Variants in PTPRD observed in about 807,000 individuals in gnomAD.
PTPRD encodes the protein protein tyrosine phosphatase receptor type D, also known as receptor-type tyrosine-protein phosphatase delta.
In PTPRD, 34 loss-of-function variants were observed where a neutral mutation model predicts 214.5. The ratio of observed to expected loss-of-function variants is 0.16; its 90% CI spans 0.12 to 0.21. The LOEUF is 0.21. Among genes scored for constraint, PTPRD ranks in the 10% least tolerant of loss-of-function variants. The pLI, the probability that PTPRD is intolerant of heterozygous loss-of-function variation, is 1.00. For missense variants in PTPRD, 2,545 were observed against 2,398.7 expected (o/e 1.06, Z -1.27); for synonymous variants, 1,128 against 845.7 (o/e 1.33, Z -5.79).
At chr9:9,293,089 C>T (rs1321064091) in intron 9 of PTPRD, among the ~76,000 whole-genome samples, 1 of 151,498 alleles carries the variant, frequency 6.6e-6, no homozygotes, top group Non-Finnish European at 1.5e-5. Context: ...AGTTACTGTG[C>T]ACATCCCATA....
rs1160667093 is a variant in PTPRD at position 8,562,239 on chromosome 9, C to A, written c.353-33460G>T. Among the ~76,000 whole-genome samples the A allele has an allele frequency of 2.6e-5, 4 of 151,994 alleles. No homozygotes were observed. The East Asian group carries it at 5.8e-4, about 22-fold the overall frequency. ...TGTAAAAGTACTGAGGACTCATTAT[C>A]TGGACTCTCAATTCTCATTATTCAG... On this transcript the variant is annotated intron_variant, in intron 14 of 45. Coordinates refer to ENST00000381196, the MANE Select transcript of PTPRD (RefSeq NM_002839.4).
chr9:10,244,037 G>GAGC (rs2091633184), intron 3 of PTPRD, among the ~76,000 whole-genome samples: 1 of 33,486 alleles, frequency 3.0e-5, no homozygotes, highest in Non-Finnish European at 1.2e-4. Context: ...AGGATTAAAT[G>GAGC]TAATATACGT....
intron 14 of PTPRD, among the ~76,000 whole-genome samples, chr9:8,590,895 TC>T (rs2094046890): frequency 6.6e-6 from 1 of 152,120 alleles, no homozygotes. Flanking sequence ...AGGTCAGAAG[TC>T]CCATATGAGT....
intron 2 of PTPRD, among the ~76,000 whole-genome samples, chr9:10,370,291 A>ATGT (rs2097585023): frequency 6.6e-6 from 1 of 152,102 alleles, no homozygotes; most frequent in Non-Finnish European, 1.5e-5. Context: ...ATTAGAACGC[A>ATGT]TGTTCACAAG....
chr9:9,203,617 A>G (rs145631016), intron 9 of PTPRD, among the ~76,000 whole-genome samples: 2 of 152,058 alleles, frequency 1.3e-5, no homozygotes, highest in African/African-American at 2.4e-5. Context: ...CATTTTTCCT[A>G]TTCCCAAGAT....
intron 33 of PTPRD, among the ~76,000 whole-genome samples, chr9:8,454,872 T>C (rs1270453858): frequency 6.6e-6 from 1 of 151,350 alleles, no homozygotes; most frequent in Non-Finnish European, 1.5e-5. Flanking sequence ...CTTTTATCCA[T>C]CACCTATAAA....
intron 27 of PTPRD, among the ~76,000 whole-genome samples, chr9:8,491,197 A>T (rs995585561): frequency 3.3e-5 from 5 of 152,230 alleles, no homozygotes; most frequent in Non-Finnish European, 5.9e-5. Flanking sequence ...TTCTATCTCA[A>T]TACCGAAGCC....
intron 3 of PTPRD, among the ~76,000 whole-genome samples, chr9:10,263,612 G>C (rs2093845316): frequency 6.6e-6 from 1 of 152,130 alleles, no homozygotes. Flanking sequence ...AAATTTCTAG[G>C]CAACAAAGTG....
chr9:8,721,782 C>T (rs1409127009), intron 12 of PTPRD, among the ~76,000 whole-genome samples: 1 of 152,188 alleles, frequency 6.6e-6, no homozygotes, highest in East Asian at 1.9e-4. Flanking sequence ...TACGATTTCT[C>T]TTTCCCAATT....
intron 10 of PTPRD, among the ~76,000 whole-genome samples, chr9:9,161,041 AG>A (rs1274972103): frequency 6.6e-6 from 1 of 152,130 alleles, no homozygotes; most frequent in African/African-American, 2.4e-5. Flanking sequence ...GATATGGGGC[AG>A]GGGGTGGCAG....
At chr9:9,914,590 G>A (rs72692735) in intron 5 of PTPRD, among the ~76,000 whole-genome samples, 12,550 of 152,198 alleles carry the variant, frequency 0.082, 638 homozygotes, top group South Asian at 0.2. Flanking sequence ...ACAGCTGAGG[G>A]CCTGCGTTCC....
chr9:10,241,746 C>G (rs908931263), intron 3 of PTPRD, among the ~76,000 whole-genome samples: 1 of 151,822 alleles, frequency 6.6e-6, no homozygotes, highest in African/African-American at 2.4e-5. Flanking sequence ...GATGATGGAT[C>G]TGTTTATTAT....
At chr9:9,781,403 C>G (rs1025565147) in intron 5 of PTPRD, among the ~76,000 whole-genome samples, 5 of 151,960 alleles carry the variant, frequency 3.3e-5, no homozygotes, top group South Asian at 4.1e-4. Context: ...CGCAAAAATG[C>G]TCAAGTTAAA....
intron 2 of PTPRD, among the ~76,000 whole-genome samples, chr9:10,493,900 C>A (rs975190737): frequency 7.9e-5 from 12 of 151,914 alleles, no homozygotes; most frequent in African/African-American, 2.9e-4. Flanking sequence ...GTTACATGAA[C>A]TAATACAGCA....
intron 8 of PTPRD, among the ~76,000 whole-genome samples, chr9:9,492,254 A>T (rs1349278560): frequency 6.6e-6 from 1 of 151,780 alleles, no homozygotes; most frequent in Non-Finnish European, 1.5e-5. Flanking sequence ...ATAATAAAAA[A>T]AAAACCTGAC....
chr9:9,679,282 A>G (rs571677581), intron 7 of PTPRD, among the ~76,000 whole-genome samples: 34 of 151,754 alleles, frequency 2.2e-4, no homozygotes, highest in African/African-American at 7.7e-4. Flanking sequence ...GCGCTTTGCT[A>G]CACACAAAAG....
intron 5 of PTPRD, among the ~76,000 whole-genome samples, chr9:9,833,543 AG>A (rs1292415446): frequency 2.0e-5 from 3 of 151,138 alleles, no homozygotes; most frequent in African/African-American, 4.9e-5. Context: ...ATCAGGAGAC[AG>A]GGTTTTGAGA....
chr9:9,295,271 G>A (rs1215487548), intron 9 of PTPRD, among the ~76,000 whole-genome samples: 5 of 151,656 alleles, frequency 3.3e-5, no homozygotes, highest in African/African-American at 1.2e-4. Flanking sequence ...AAGGCTGGAG[G>A]TAAAATTATA....
intron 5 of PTPRD, among the ~76,000 whole-genome samples, chr9:9,854,743 G>C (rs1210531559): frequency 1.3e-5 from 2 of 151,906 alleles, no homozygotes; most frequent in African/African-American, 2.4e-5. Context: ...AGCAAAGCCA[G>C]TACCCCCAGA....
Sources: allele counts gnomAD v4.1 joint callset (sites outside exome capture counted in the v4.1 genomes callset), GRCh38; gene constraint gnomAD v4.1.1; transcripts MANE v1.5; gene names NCBI Gene and HGNC (gene_info 2026-07-23, HGNC 2026-07-21).